Variants in PDE3B observed in about 807,000 individuals in gnomAD.
The protein encoded by PDE3B is phosphodiesterase 3B.
PDE3B carries 66 observed loss-of-function variants against 116.8 expected under a neutral mutation model. That is an observed-to-expected ratio of 0.56 (90% CI 0.46 to 0.69). The LOEUF (loss-of-function observed/expected upper bound fraction) is 0.69. PDE3B is among the 30% of genes least tolerant of loss of function. PDE3B has a pLI of 0.00. For missense variants in PDE3B, 1,384 were observed against 1,368.1 expected (o/e 1.01, Z -0.18); for synonymous variants, 595 against 533.6 (o/e 1.12, Z -1.59).
the PDE3B span, among the ~76,000 whole-genome samples, chr11:14,892,659 T>A: frequency 6.6e-6 from 1 of 152,232 alleles, no homozygotes; most frequent in Non-Finnish European, 1.5e-5. Flanking sequence ...CTGAACCTGA[T>A]ACTTTTCAGA....
intron 1 of PDE3B, among the ~76,000 whole-genome samples, chr11:14,741,422 T>A (rs1856769441): frequency 6.7e-6 from 1 of 148,452 alleles, no homozygotes; most frequent in South Asian, 2.1e-4. Context: ...TAGGATTGCA[T>A]TTTTTTTGCT....
intron 1 of PDE3B, chr11:14,674,225 T>G: frequency 8.1e-7 from 1 of 1,228,560 alleles, no homozygotes. Context: ...TTGTTCTTTT[T>G]TGTTTTCACT....
At chr11:14,646,536 C>T (rs1395474140) in intron 1 of PDE3B, among the ~76,000 whole-genome samples, 4 of 152,180 alleles carry the variant, frequency 2.6e-5, no homozygotes, top group Non-Finnish European at 5.9e-5. Flanking sequence ...GTGGTATCAA[C>T]TATTTTCATA....
At chr11:14,889,479 G>A in the PDE3B span, among the ~76,000 whole-genome samples, 1 of 152,156 alleles carries the variant, frequency 6.6e-6, no homozygotes, top group African/African-American at 2.4e-5. Flanking sequence ...GGCATAGTGA[G>A]GCAAACAATG....
chr11:14,876,733 C>G (rs1555009785), downstream of PDE3B, among the ~76,000 whole-genome samples: 2 of 152,102 alleles, frequency 1.3e-5, no homozygotes, highest in African/African-American at 2.4e-5. Flanking sequence ...CACATGTGCT[C>G]CATGAGCTAG....
At chr11:14,684,325 A>G (rs1254836067) in intron 1 of PDE3B, among the ~76,000 whole-genome samples, 1 of 152,180 alleles carries the variant, frequency 6.6e-6, no homozygotes, top group East Asian at 1.9e-4. Flanking sequence ...CGGTAGGACC[A>G]TGATGCCTAC....
intron 1 of PDE3B, among the ~76,000 whole-genome samples, chr11:14,737,226 C>G (rs1014172691): frequency 6.9e-6 from 1 of 145,978 alleles, no homozygotes; most frequent in African/African-American, 2.6e-5. Flanking sequence ...TGGAATCTCG[C>G]TCTTTCACCC....
intron 1 of PDE3B, among the ~76,000 whole-genome samples, chr11:14,748,429 T>C (rs970242389): frequency 6.6e-6 from 1 of 152,238 alleles, no homozygotes; most frequent in Non-Finnish European, 1.5e-5. Flanking sequence ...ACAGAGTTAA[T>C]TTCAAATTCA....
At chr11:14,692,559 T>C (rs1170404541) in intron 1 of PDE3B, among the ~76,000 whole-genome samples, 1 of 152,232 alleles carries the variant, frequency 6.6e-6, no homozygotes, top group South Asian at 2.1e-4. Flanking sequence ...TTGCGAAAAA[T>C]TTTTAATTTT....
At position 14,700,220 on chromosome 11, in the gene PDE3B, G is replaced by A. The variant is rs578012936; in HGVS notation, c.978+55167G>A. ...GGTTAATTTTTAGTATGAAAATTAA[G>A]AGTTTCATTTTGGTTTTTATATAAA... is the stretch of plus-strand genomic sequence containing the variant. On this transcript the variant is annotated intron_variant, in intron 1 of 15. Transcript: ENST00000282096. Among the ~76,000 whole-genome samples, 6 of 151,798 alleles carry A rather than the reference G, an allele frequency of 4.0e-5. No homozygotes were observed. In the South Asian group the frequency reaches 1.2e-3, roughly 31 times the overall value.
chr11:14,706,301 A>G (rs185538606), intron 1 of PDE3B, among the ~76,000 whole-genome samples: 1 of 152,024 alleles, frequency 6.6e-6, no homozygotes, highest in Non-Finnish European at 1.5e-5. Flanking sequence ...AAAATTATAC[A>G]GTACCTGAAA....
intron 11 of PDE3B, among the ~76,000 whole-genome samples, chr11:14,840,367 C>T (rs991003106): frequency 3.3e-5 from 5 of 152,126 alleles, no homozygotes; most frequent in African/African-American, 1.2e-4. Context: ...TGTTACCTGC[C>T]CATAATGAAT....
intron 7 of PDE3B, among the ~76,000 whole-genome samples, chr11:14,824,755 C>G (rs1486612196): frequency 6.6e-6 from 1 of 152,110 alleles, no homozygotes; most frequent in East Asian, 1.9e-4. Flanking sequence ...CTAGAGAGGC[C>G]AACACCCAAA....
At chr11:14,681,486 G>A (rs905109668) in intron 1 of PDE3B, among the ~76,000 whole-genome samples, 1 of 152,090 alleles carries the variant, frequency 6.6e-6, no homozygotes, top group South Asian at 2.1e-4. Flanking sequence ...ATGAGTGTGA[G>A]GACTTCCCTG....
intron 1 of PDE3B, among the ~76,000 whole-genome samples, chr11:14,655,168 C>T: frequency 6.6e-6 from 1 of 151,872 alleles, no homozygotes; most frequent in East Asian, 1.9e-4. Context: ...AAAAAGGACA[C>T]AAGACACTAT....
chr11:14,745,721 C>G (rs1408137221), intron 1 of PDE3B, among the ~76,000 whole-genome samples: 2 of 152,066 alleles, frequency 1.3e-5, no homozygotes, highest in Non-Finnish European at 1.5e-5. Context: ...TTTCCCTTCA[C>G]CATTTTTTTT....
rs748281318 is a variant in PDE3B at position 14,644,385 on chromosome 11, G to C, written c.310G>C (p.Gly104Arg). Residue 104 changes from glycine to arginine, a missense_variant, in exon 1 of 16, where the codon GGG becomes CGG. Physicochemically the swap from Gly to Arg is moderately radical, Grantham distance 125 (BLOSUM62 -2). Transcript: ENST00000282096. ...CGCGGAACCCGAGAGCTGGGCTGCC[G>C]GGGCCGCCTGGCTGCGGACGCTGCT... ...LGAEPESWAA[G>R]AAWLRTLLSV... 2 of 1,601,762 alleles carry C rather than the reference G, an allele frequency of 1.2e-6. No homozygotes were observed. Among genetic ancestry groups the C allele is most frequent in the Admixed American group, 1.7e-5 (1 of 58,878 alleles).
intron 1 of PDE3B, among the ~76,000 whole-genome samples, chr11:14,720,762 C>G (rs1477884917): frequency 8.8e-5 from 1 of 11,308 alleles, no homozygotes; most frequent in African/African-American, 4.4e-4. Context: ...ACACCTTATA[C>G]AAAAATCAAT....
the PDE3B span, chr11:14,880,432 A>C: frequency 6.2e-7 from 1 of 1,613,438 alleles, no homozygotes; most frequent in Non-Finnish European, 8.5e-7. Flanking sequence ...CAGGATGCCA[A>C]TCCATGGAAA....
Sources: gnomAD v4.1 joint callset for allele counts (sites outside exome capture counted in the v4.1 genomes callset) on GRCh38, gnomAD v4.1.1 for gene constraint, MANE v1.5 for transcripts, NCBI Gene and HGNC (gene_info 2026-07-23, HGNC 2026-07-21) for gene names.